TBCEL: variants seen among roughly 807,000 people sequenced by gnomAD.
TBCEL encodes the protein tubulin folding cofactor E like.
TBCEL carries 15 observed loss-of-function variants against 44.2 expected under a neutral mutation model. The observed-to-expected ratio is 0.34, with a 90% confidence interval of 0.23 to 0.52. The LOEUF is 0.52. Among genes scored for constraint, TBCEL ranks in the 20% least tolerant of loss-of-function variants. TBCEL has a pLI of 0.95. For synonymous variants in TBCEL, 171 were observed against 185.4 expected (o/e 0.92, Z 0.63); for missense variants, 319 against 506.3 (o/e 0.63, Z 3.55).
intron 4 of TBCEL, 41 bp from the exon 5 acceptor site, chr11:121,053,510 C>G: frequency 3.8e-6 from 6 of 1,591,250 alleles, no homozygotes; most frequent in Non-Finnish European, 5.2e-6. Flanking sequence ...TTTAACAGCT[C>G]TGATTACTGC....
In TBCEL at chr11:121,087,440, A is replaced by G; in HGVS notation, c.*344A>G. 1 of 283,880 alleles carries G rather than the reference A, an allele frequency of 3.5e-6. No homozygotes were observed. 17.6% of individuals were successfully genotyped at this position (283,880 alleles called of 1,614,324 possible). Reference sequence around the variant, plus strand: ...TGTTGGGTGAACCTGTGAAGATAACATGAACACTGTAGCCCCTTAGAAGGG... The same window carrying G: ...TGTTGGGTGAACCTGTGAAGATAACGTGAACACTGTAGCCCCTTAGAAGGG... On this transcript the variant is annotated 3_prime_UTR_variant, in exon 9 of 9. Coordinates refer to ENST00000683345, the MANE Select transcript of TBCEL (RefSeq NM_001363644.2).
intron 1 of TBCEL, among the ~76,000 whole-genome samples, chr11:121,026,212 A>G (rs2134866453): frequency 6.6e-6 from 1 of 152,378 alleles, no homozygotes; most frequent in East Asian, 1.9e-4. Flanking sequence ...AAACTTAATC[A>G]TAAACCTAAG....
At chr11:121,056,158 G>A (rs1016464544) in intron 6 of TBCEL, among the ~76,000 whole-genome samples, 1 of 151,520 alleles carries the variant, frequency 6.6e-6, no homozygotes, top group African/African-American at 2.4e-5. Context: ...CTCCAATCCC[G>A]GCAACCACTC....
intron 1 of TBCEL, 129 bp downstream of exon 1, chr11:121,024,420 A>C (rs1353853616): frequency 1.3e-5 from 2 of 152,944 alleles, no homozygotes; most frequent in Non-Finnish European, 2.9e-5. Flanking sequence ...GGTGAAAGCC[A>C]CATGGGGCCT....
intron 5 of TBCEL, 57 bp downstream of exon 5, chr11:121,053,789 A>G: frequency 6.5e-7 from 1 of 1,546,930 alleles, no homozygotes; most frequent in Non-Finnish European, 8.8e-7. Context: ...GTTAGTACAT[A>G]GGAGTACTGC....
Position 121,032,436 on chromosome 11 carries a change from A to T in TBCEL, c.-125-4069A>T, listed in dbSNP as rs1317364304. The stretch of plus-strand genomic sequence containing the variant: ...AGGATTAGGTTCCTGCGAGCCTCTG[A>T]TCATAACATTTTTGTCAAGTGATAA... On this transcript the variant is annotated intron_variant, in intron 1 of 8. Coordinates refer to ENST00000683345, the MANE Select transcript of TBCEL (RefSeq NM_001363644.2). 5.3e-5 allele frequency among the ~76,000 whole-genome samples: 8 copies of T among 152,202 alleles called. No homozygotes were observed. In the East Asian group the frequency reaches 1.5e-3, roughly 29 times the overall value.
intron 2 of TBCEL, among the ~76,000 whole-genome samples, chr11:121,037,288 T>C (rs982935649): frequency 2.6e-5 from 4 of 152,232 alleles, no homozygotes; most frequent in African/African-American, 9.6e-5. Context: ...GTTAAGTTAG[T>C]GAATTGGCTA....
chr11:121,066,415 A>G (rs2134979037), intron 8 of TBCEL, among the ~76,000 whole-genome samples: 1 of 152,358 alleles, frequency 6.6e-6, no homozygotes, highest in East Asian at 1.9e-4. Context: ...TTTGTATAGT[A>G]GGAAGTGGTT....
At chr11:121,054,388 G>A (rs1945583317) in intron 5 of TBCEL, among the ~76,000 whole-genome samples, 4 of 151,772 alleles carry the variant, frequency 2.6e-5, no homozygotes, top group Admixed American at 2.6e-4. Flanking sequence ...ACTCTAATGA[G>A]ATTGGTTTCC....
intron 1 of TBCEL, among the ~76,000 whole-genome samples, chr11:121,025,368 A>G (rs551441629): frequency 2.0e-4 from 30 of 152,218 alleles, no homozygotes; most frequent in Non-Finnish European, 2.9e-4. Flanking sequence ...CCTGAGATGC[A>G]TTAGACCCAG....
intron 1 of TBCEL, among the ~76,000 whole-genome samples, chr11:121,025,744 C>A (rs1238100119): frequency 6.7e-6 from 1 of 148,168 alleles, no homozygotes; most frequent in South Asian, 2.1e-4. Flanking sequence ...TTATTTTGGC[C>A]GGGGGAGAGG....
intron 1 of TBCEL, among the ~76,000 whole-genome samples, chr11:121,026,519 G>A (rs1591373925): frequency 1.3e-5 from 2 of 152,244 alleles, no homozygotes; most frequent in South Asian, 2.1e-4. Context: ...CGTATTATTT[G>A]TAACATAGAA....
rs147917809 is a variant in TBCEL, at chr11:121,047,773, G to A, written c.273+106G>A. 34 of 1,365,200 alleles carry A rather than the reference G, an allele frequency of 2.5e-5. No individual in the cohort carries two copies. In the East Asian group the frequency reaches 5.5e-4, roughly 22 times the overall value. The allele number at this position is 1,365,200 out of a possible 1,614,324, so 84.6% of individuals were successfully genotyped here. ...TAAATTCTGTTCTCACTTGATGTCT[G>A]TATGACTTCTTGTTGTCTGTATATC... On this transcript the variant is annotated intron_variant, in intron 4 of 8. Transcript: ENST00000683345.
intron 8 of TBCEL, among the ~76,000 whole-genome samples, chr11:121,073,176 A>G (rs1356954827): frequency 2.0e-5 from 3 of 152,078 alleles, no homozygotes; most frequent in Non-Finnish European, 1.5e-5. Flanking sequence ...TATAAGTTCT[A>G]TAAAAATCCT....
At chr11:121,029,175 A>C (rs1945098951) in intron 1 of TBCEL, among the ~76,000 whole-genome samples, 1 of 152,190 alleles carries the variant, frequency 6.6e-6, no homozygotes. Flanking sequence ...TCCTTAGTGA[A>C]GACAGTCACT....
At chr11:121,086,428 C>G (rs1040846075) in intron 8 of TBCEL, among the ~76,000 whole-genome samples, 3 of 152,176 alleles carry the variant, frequency 2.0e-5, no homozygotes, top group African/African-American at 7.2e-5. Flanking sequence ...TAGATACCTG[C>G]CCTTCTTGAT....
chr11:121,053,513 A>G (rs767001071), intron 4 of TBCEL, 38 bp from the exon 5 acceptor site: 48 of 1,596,818 alleles, frequency 3.0e-5, no homozygotes, highest in Non-Finnish European at 4.0e-5. Flanking sequence ...AACAGCTCTG[A>G]TTACTGCCTG....
At chr11:121,061,969 TG>T (rs1236488983) in intron 8 of TBCEL, among the ~76,000 whole-genome samples, 1 of 152,170 alleles carries the variant, frequency 6.6e-6, no homozygotes, top group Admixed American at 6.6e-5. Flanking sequence ...TTGACTCTTT[TG>T]TAATAACATT....
intron 6 of TBCEL, 126 bp downstream of exon 6, chr11:121,055,434 G>T: frequency 2.1e-6 from 2 of 972,526 alleles, no homozygotes; most frequent in Non-Finnish European, 2.8e-6. Flanking sequence ...TATATGACAT[G>T]CAGATGCCTA....
Sources: allele counts gnomAD v4.1 joint callset (sites outside exome capture counted in the v4.1 genomes callset), GRCh38; gene constraint gnomAD v4.1.1; transcripts MANE v1.5; gene names NCBI Gene and HGNC (gene_info 2026-07-23, HGNC 2026-07-21).